Variants in HELQ observed in about 807,000 individuals in gnomAD.
HELQ encodes helicase POLQ-like.
A neutral mutation model predicts 111.6 loss-of-function variants in HELQ; 77 were observed. That is an observed-to-expected ratio of 0.69 (90% confidence interval 0.57 to 0.83). The LOEUF is 0.83. Among genes scored for constraint, HELQ ranks in the 40% least tolerant of loss-of-function variants. The pLI is 0.00. For synonymous variants in HELQ, 438 were observed against 454.7 expected, an observed-to-expected ratio of 0.96 and a Z score of 0.47; for missense variants, 1,200 against 1,288.5, an observed-to-expected ratio of 0.93 and a Z score of 1.05.
rs375061728 is a variant in HELQ at position 83,418,673 on chromosome 4, A to G, written c.2950-467T>C. 9.8e-5 allele frequency among the ~76,000 whole-genome samples: 15 copies of G among 152,346 alleles called. No individual in the cohort carries two copies. In the East Asian group the frequency reaches 2.3e-3, roughly 23 times the overall value. On this transcript the variant is annotated intron_variant, in intron 15 of 17. Coordinates refer to ENST00000295488, the MANE Select transcript of HELQ (RefSeq NM_133636.5). ...AGCTAGAAGGGTAAATGGGAATTCA[A>G]TATAATATTTTGTCATAGATATTTG...
intron 1 of HELQ, 21 bp downstream of exon 1, chr4:83,455,376 C>A: frequency 6.2e-7 from 1 of 1,600,546 alleles, no homozygotes; most frequent in South Asian, 1.1e-5. Context: ...TTTGCAGTTT[C>A]AAGTTCCAAG....
rs1343559739 is a variant in HELQ, at chr4:83,441,397, A to T, written c.1570T>A (p.Leu524Ile). ...TCATTTATTTTCAGATATTCTTTTA[A>T]CTCAACCTTGAATTAAAAGGACATT... ...YYTSQFRPVE[L>I]KEYLKINDTI... The change falls in exon 7 of 18, where the codon TTA (leucine) becomes ATA (isoleucine). Residue 524 changes from leucine (L) to isoleucine (I), a missense_variant. Around this residue, in one of 3 missense-constraint regions of HELQ, gnomAD observed 585 missense variants for 665.3 expected, o/e 0.88. Transcript: ENST00000295488. 2.7e-6 allele frequency: 4 copies of T among 1,478,720 alleles called. No homozygotes were observed. The highest frequency in any genetic ancestry group is 3.8e-6 in the Non-Finnish European group (4 of 1,065,660). The allele number at this position is 1,478,720 out of a possible 1,614,324, so 91.6% of individuals were successfully genotyped here. A position where few individuals can be genotyped will look rare whatever the true frequency, so the allele number is the denominator to read the frequency against.
Position 83,453,465 on chromosome 4 carries a change from T to C in HELQ, c.778A>G (p.Asn260Asp). ...TGATCTTTAATACTTTTTCTCCTGT[T>C]CATATCTGAACTAGTTCTGACTTTG... ...SSKVRTSSDM[N>D]RRKSIKDHLK... The change falls in exon 2 of 18, where the codon AAC (asparagine) becomes GAC (aspartate). Residue 260 changes from asparagine to aspartate, a missense_variant. Physicochemically the swap from Asn to Asp is conservative, Grantham distance 23. Around this residue, in one of 3 missense-constraint regions of HELQ, gnomAD observed 610 missense variants for 607.1 expected, o/e 1.00. Transcript: ENST00000295488. The C allele has an allele frequency of 6.2e-7, 1 of 1,610,756 alleles. No homozygotes were observed. Among genetic ancestry groups the C allele is most frequent in the Non-Finnish European group, 8.5e-7 (1 of 1,179,180 alleles).
chr4:83,412,989 C>A (rs1159117658), intron 17 of HELQ, among the ~76,000 whole-genome samples: 1 of 152,230 alleles, frequency 6.6e-6, no homozygotes, highest in African/African-American at 2.4e-5. Context: ...TGTCCAGTCA[C>A]ATTTCTACAT....
chr4:83,452,813 G>A (rs1324662173), intron 2 of HELQ, among the ~76,000 whole-genome samples: 3 of 152,208 alleles, frequency 2.0e-5, no homozygotes, highest in Non-Finnish European at 4.4e-5. Flanking sequence ...TTAAGTGAGA[G>A]AATGAGAGCA....
At chr4:83,414,080 A>T (rs1002633761) in intron 17 of HELQ, among the ~76,000 whole-genome samples, 1 of 152,234 alleles carries the variant, frequency 6.6e-6, no homozygotes, top group Non-Finnish European at 1.5e-5. Flanking sequence ...TACGTGGAAA[A>T]ATCAGAATTA....
chr4:83,428,398 TA>T (rs1719957060), intron 12 of HELQ, among the ~76,000 whole-genome samples: 1 of 151,742 alleles, frequency 6.6e-6, no homozygotes, highest in South Asian at 2.1e-4. Context: ...CCATCTCCAC[TA>T]AAAATACAAA....
At chr4:83,420,360 G>A (rs559061976) in intron 15 of HELQ, among the ~76,000 whole-genome samples, 68 of 152,260 alleles carry the variant, frequency 4.5e-4, no homozygotes, top group African/African-American at 1.4e-3. Context: ...TGGGCCAGGC[G>A]TGGCGGCTCA....
At chr4:83,452,543 T>G (rs1721446027) in intron 2 of HELQ, among the ~76,000 whole-genome samples, 1 of 152,140 alleles carries the variant, frequency 6.6e-6, no homozygotes, top group Non-Finnish European at 1.5e-5. Context: ...CTTCTTTCAC[T>G]CAAGACATGT....
chr4:83,414,400 A>T (rs2109963809), intron 17 of HELQ, among the ~76,000 whole-genome samples: 1 of 152,282 alleles, frequency 6.6e-6, no homozygotes, highest in African/African-American at 2.4e-5. Flanking sequence ...TCTCAAATGT[A>T]TTCCTTCCTG....
chr4:83,409,016 G>T (rs183923662), intron 17 of HELQ, among the ~76,000 whole-genome samples: 1 of 152,118 alleles, frequency 6.6e-6, no homozygotes, highest in African/African-American at 2.4e-5. Flanking sequence ...GCTCAGCCAT[G>T]AGAGGAAGAG....
intron 12 of HELQ, among the ~76,000 whole-genome samples, chr4:83,427,960 C>G (rs1401978464): frequency 6.6e-6 from 1 of 152,078 alleles, no homozygotes; most frequent in South Asian, 2.1e-4. Context: ...TCCATATGTA[C>G]CCCAAAATAC....
chr4:83,444,091 T>G (rs1341145625), intron 5 of HELQ, among the ~76,000 whole-genome samples: 1 of 152,142 alleles, frequency 6.6e-6, no homozygotes, highest in Non-Finnish European at 1.5e-5. Flanking sequence ...AATCTGGCAT[T>G]TGAAGAATGA....
chr4:83,430,450 T>C (rs1720081265), intron 11 of HELQ, among the ~76,000 whole-genome samples: 1 of 152,182 alleles, frequency 6.6e-6, no homozygotes, highest in Non-Finnish European at 1.5e-5. Flanking sequence ...TCACTGTTAT[T>C]CACTATTTAT....
rs774499628 is a variant in HELQ, at chr4:83,453,299, G to A, written c.944C>T (p.Pro315Leu). The A allele has an allele frequency of 6.2e-6, 10 of 1,613,726 alleles. No homozygotes were observed. The highest frequency in any genetic ancestry group is 8.5e-6 in the Non-Finnish European group (10 of 1,179,764). Reference sequence around the variant, plus strand: ...CACTTTGCTGGGTAATGAATAAAAAGGACCAAGGTCATTTGATGATGACTC... The same window carrying A: ...CACTTTGCTGGGTAATGAATAAAAAAGACCAAGGTCATTTGATGATGACTC... ...TVESSSNDLG[P>L]FYSLPSKVRD... The change falls in exon 2 of 18, where the codon CCT becomes CTT. Residue 315 changes from proline (P) to leucine (L), a missense_variant. By Grantham distance (98) the Pro-to-Leu change is moderately conservative. Coordinates refer to ENST00000295488, the MANE Select transcript of HELQ (RefSeq NM_133636.5).
chr4:83,425,787 C>T (rs1181811230), intron 14 of HELQ, among the ~76,000 whole-genome samples: 2 of 152,112 alleles, frequency 1.3e-5, no homozygotes, highest in African/African-American at 4.8e-5. Flanking sequence ...TCACACTACC[C>T]AGAAATAAAT....
chr4:83,421,636 A>C lies in HELQ; in HGVS notation c.2876T>G (p.Met959Arg). 2 of 1,613,496 alleles carry C rather than the reference A, an allele frequency of 1.2e-6. No homozygotes were observed. The highest frequency in any genetic ancestry group is 2.2e-5 in the South Asian group (2 of 91,070). The change falls in exon 15 of 18, where the codon ATG (methionine) becomes AGG (arginine). Residue 959 changes from methionine (M) to arginine (R), a missense_variant. Physicochemically the swap from Met to Arg is moderately conservative, Grantham distance 91. Coordinates refer to ENST00000295488, the MANE Select transcript of HELQ (RefSeq NM_133636.5). Reference sequence around the variant, plus strand: ...AAGATTTTGTATATATCCTCGAGGCATATTAAATTTTTCAGATACAGTCCA... The same window carrying C: ...AAGATTTTGTATATATCCTCGAGGCCTATTAAATTTTTCAGATACAGTCCA... ...NIWTVSEKFNMPRGYIQNLLT... is the reference protein window; with the variant it reads ...NIWTVSEKFNRPRGYIQNLLT...
At chr4:83,442,821 G>GCTCA in intron 6 of HELQ, among the ~76,000 whole-genome samples, 1 of 151,980 alleles carries the variant, frequency 6.6e-6, no homozygotes, top group Non-Finnish European at 1.5e-5. Context: ...TAAAGTGTTG[G>GCTCA]CATTGCAGGT....
chr4:83,418,688 A>T (rs1008643430), intron 15 of HELQ, among the ~76,000 whole-genome samples: 1 of 152,252 alleles, frequency 6.6e-6, no homozygotes, highest in Admixed American at 6.5e-5. Context: ...ATATTTTGTC[A>T]TAGATATTTG....
Sources: allele counts gnomAD v4.1 joint callset (sites outside exome capture counted in the v4.1 genomes callset), GRCh38; gene constraint gnomAD v4.1.1; regional missense constraint gnomAD v4.1.1; transcripts MANE v1.5; gene names NCBI Gene and HGNC (gene_info 2026-07-23, HGNC 2026-07-21).